DYNC1H1: variants seen among roughly 807,000 people sequenced by gnomAD.
DYNC1H1 encodes the protein cytoplasmic dynein 1 heavy chain 1.
A neutral mutation model predicts 527.1 loss-of-function variants in DYNC1H1; 51 were observed. The observed-to-expected ratio is 0.10, with a 90% CI of 0.08 to 0.12. The LOEUF (loss-of-function observed/expected upper bound fraction) is 0.12, where lower values mean the gene tolerates loss of function less well. Ranked by LOEUF, DYNC1H1 falls within the 10% of genes least tolerant of loss-of-function variation. The pLI, the probability that DYNC1H1 is intolerant of heterozygous loss-of-function variation, is 1.00. For synonymous variants in DYNC1H1, 2,189 were observed against 2,278.8 expected (o/e 0.96, Z 1.12); for missense variants, 2,771 against 5,971.8 (o/e 0.46, Z 17.66).
At chr14:102,030,405 A>G (rs1262551071) in intron 51 of DYNC1H1, 123 bp downstream of exon 51, 22 of 1,447,802 alleles carry the variant, frequency 1.5e-5, no homozygotes, top group Non-Finnish European at 1.9e-5. Flanking sequence ...TTCCAAAAAT[A>G]TCATTAGTAA....
chr14:101,966,238 CTTGG>C (rs2047666625), intron 1 of DYNC1H1, among the ~76,000 whole-genome samples: 1 of 152,144 alleles, frequency 6.6e-6, no homozygotes, highest in Non-Finnish European at 1.5e-5. Flanking sequence ...TCCCTGTAGC[CTTGG>C]TTTCCTGCCA....
At chr14:101,970,474 T>TG (rs2047722613) in intron 1 of DYNC1H1, among the ~76,000 whole-genome samples, 1 of 89,646 alleles carries the variant, frequency 1.1e-5, no homozygotes, top group African/African-American at 5.0e-5. Context: ...TTTGTTGTTG[T>TG]TTTTTTTTTT....
At position 102,051,876 on chromosome 14, in the gene DYNC1H1, A is replaced by T. The variant is rs2048816538; in HGVS notation, c.*1313A>T. On this transcript the variant is annotated 3_prime_UTR_variant, in exon 78 of 78. Transcript: ENST00000360184. ...GCTAATTACTATATTTTTAGTAGAG[A>T]CAGGGCTTCACCGTGTTGGCCAGGC... is the stretch of plus-strand genomic sequence containing the variant. 6.6e-6 allele frequency: 1 copy of T among 152,016 alleles called. No individual in the cohort carries two copies. The allele number at this position is 152,016 out of a possible 1,614,324, so 9.4% of individuals were successfully genotyped here. A position where few individuals can be genotyped will look rare whatever the true frequency, so the allele number is the denominator to read the frequency against.
rs141953838 is a variant in DYNC1H1, at chr14:102,017,644, G to A, written c.8177+140G>A. 105 of 1,449,246 alleles carry A rather than the reference G, an allele frequency of 7.2e-5. No homozygotes were observed. The highest frequency in any genetic ancestry group is 9.4e-5 in the Non-Finnish European group (98 of 1,046,558). The allele number at this position is 1,449,246 out of a possible 1,614,324, so 89.8% of individuals were successfully genotyped here. A position where few individuals can be genotyped will look rare whatever the true frequency, so the allele number is the denominator to read the frequency against. On this transcript the variant is annotated intron_variant, in intron 40 of 77. Coordinates refer to ENST00000360184, the MANE Select transcript of DYNC1H1 (RefSeq NM_001376.5). This position sits in a 1 kb window ranked among gnomAD's most constrained non-coding sequence, Gnocchi z 4.6. ...TGGATTCCTCTTGGGTTACTTCTCT[G>A]TGCTGTAATGCCAGGAAAACATGTT...
chr14:102,002,499 G>C lies in DYNC1H1; in HGVS notation c.4543-38G>C. ...GTTTTGGCATATCTGTGAGTAGAAG[G>C]GTCAGCAGTTTACCTCTCCCTCCTG... On this transcript the variant is annotated intron_variant, in intron 21 of 77. Transcript: ENST00000360184. This position sits in a 1 kb window ranked among gnomAD's most constrained non-coding sequence, Gnocchi z 4.4. 6.2e-7 allele frequency: 1 copy of C among 1,613,136 alleles called. No individual in the cohort carries two copies. The highest frequency in any genetic ancestry group is 8.5e-7 in the Non-Finnish European group (1 of 1,179,592).
Position 102,002,414 on chromosome 14 carries a change from T to C in DYNC1H1, c.4543-123T>C. On this transcript the variant is annotated intron_variant, in intron 21 of 77. Transcript: ENST00000360184. This position sits in a 1 kb window ranked among gnomAD's most constrained non-coding sequence, Gnocchi z 4.4. ...GCGTGAGCCACCACACCCGTCTACT[T>C]GTTGTTTAAAATGTGAATCAGATTA... The C allele has an allele frequency of 7.5e-7, 1 of 1,341,136 alleles. No homozygotes were observed. Among genetic ancestry groups the C allele is most frequent in the Non-Finnish European group, 1.1e-6 (1 of 943,070 alleles). 83.1% of individuals were successfully genotyped at this position (1,341,136 alleles called of 1,614,324 possible).
In DYNC1H1 at chr14:102,015,367, G is replaced by A; in HGVS notation, c.7242+35G>A. The stretch of plus-strand genomic sequence containing the variant: ...GGTGGGACCCCACATATCATGACCT[G>A]AGGGTGCTAGGATATTCAGATGTGG... On this transcript the variant is annotated intron_variant, in intron 35 of 77. Coordinates refer to ENST00000360184, the MANE Select transcript of DYNC1H1 (RefSeq NM_001376.5). The surrounding 1 kb of genome is among the most constrained non-coding windows in gnomAD (Gnocchi z 6.9). 4 of 1,575,078 alleles carry A rather than the reference G, an allele frequency of 2.5e-6. No homozygotes were observed. The highest frequency in any genetic ancestry group is 3.5e-6 in the Non-Finnish European group (4 of 1,158,788).
At position 102,016,724 on chromosome 14, in the gene DYNC1H1, C is replaced by T. The variant is rs930371329; in HGVS notation, c.7615-42C>T. 1.2e-6 allele frequency: 2 copies of T among 1,601,710 alleles called. No individual in the cohort carries two copies. Among genetic ancestry groups the T allele is most frequent in the Non-Finnish European group, 1.7e-6 (2 of 1,174,052 alleles). ...GGTAAACAAACCTCGTGAGGAGGCA[C>T]CTTGGTTGCAGCCGGACTCACACTT... is the stretch of plus-strand genomic sequence containing the variant. On this transcript the variant is annotated intron_variant, in intron 37 of 77. Transcript: ENST00000360184. The surrounding 1 kb of genome is among the most constrained non-coding windows in gnomAD (Gnocchi z 7.3).
Position 102,049,202 on chromosome 14 carries a change from G to A in DYNC1H1, c.13373-238G>A, listed in dbSNP as rs1406131017. On this transcript the variant is annotated intron_variant, in intron 74 of 77. Transcript: ENST00000360184. This position sits in a 1 kb window ranked among gnomAD's most constrained non-coding sequence, Gnocchi z 5.5. ...ATGGTCCTCCAGAAAGACACACCTGGACTAATTTGACCCTAGAAACTGCAC... is the reference window on the plus strand; with the variant it reads ...ATGGTCCTCCAGAAAGACACACCTGAACTAATTTGACCCTAGAAACTGCAC... The A allele has an allele frequency of 5.1e-6, 3 of 591,694 alleles. No homozygotes were observed. The highest frequency in any genetic ancestry group is 9.0e-6 in the Non-Finnish European group (3 of 332,818). The allele number at this position is 591,694 out of a possible 1,614,324, so 36.7% of individuals were successfully genotyped here. A position where few individuals can be genotyped will look rare whatever the true frequency, so the allele number is the denominator to read the frequency against.
At chr14:102,040,030 G>A (rs1044382879) in intron 62 of DYNC1H1, among the ~76,000 whole-genome samples, 8 of 152,134 alleles carry the variant, frequency 5.3e-5, no homozygotes, top group Non-Finnish European at 1.0e-4. Flanking sequence ...TAGTAGAGAC[G>A]GGTTTTCTTC....
At position 102,029,410 on chromosome 14, in the gene DYNC1H1, G is replaced by A. The variant is rs187483671; in HGVS notation, c.9469-129G>A. Reference sequence around the variant, plus strand: ...AAGTGGCTAAGCTGAGGCCCGACTCGAGTGTTCTGGCCCCGAGGGCCAGGC... The same window carrying A: ...AAGTGGCTAAGCTGAGGCCCGACTCAAGTGTTCTGGCCCCGAGGGCCAGGC... On this transcript the variant is annotated intron_variant, in intron 48 of 77. Coordinates refer to ENST00000360184, the MANE Select transcript of DYNC1H1 (RefSeq NM_001376.5). This position sits in a 1 kb window ranked among gnomAD's most constrained non-coding sequence, Gnocchi z 5.3. 306 of 1,236,364 alleles carry A rather than the reference G, an allele frequency of 2.5e-4. 1 individual carries two copies. Among genetic ancestry groups the A allele is most frequent in the Admixed American group, 6.2e-4 (31 of 50,220 alleles). The allele number at this position is 1,236,364 out of a possible 1,614,324, so 76.6% of individuals were successfully genotyped here.
intron 11 of DYNC1H1, among the ~76,000 whole-genome samples, chr14:101,992,847 A>G (rs1368740673): frequency 6.6e-6 from 1 of 151,700 alleles, no homozygotes; most frequent in African/African-American, 2.4e-5. Context: ...CTCCCACCTC[A>G]GTGGCTGGTC....
In DYNC1H1 at chr14:102,010,120, C is replaced by A. The variant is rs534583571; in HGVS notation, c.6221+34C>A. 6.2e-7 allele frequency: 1 copy of A among 1,613,310 alleles called. No homozygotes were observed. The highest frequency in any genetic ancestry group is 1.3e-5 in the African/African-American group (1 of 75,036). On this transcript the variant is annotated intron_variant, in intron 30 of 77. Transcript: ENST00000360184. The surrounding 1 kb of genome is among the most constrained non-coding windows in gnomAD (Gnocchi z 6.0). ...CCTAGAATTCTTCATAATCATGTTT[C>A]TTGCATATGTTAAATGTGTCCATTT...
At chr14:101,970,477 T>G (rs1403126776) in intron 1 of DYNC1H1, among the ~76,000 whole-genome samples, 1 of 116,866 alleles carries the variant, frequency 8.6e-6, no homozygotes, top group African/African-American at 3.7e-5. Context: ...GTTGTTGTTT[T>G]TTTTTTTTTT....
rs780156927 is a variant in DYNC1H1 at position 101,986,616 on chromosome 14, G to A, written c.2391G>A (p.Glu797=). ...TYERTCEKVE[E]RNTISLLVAG... ...AACGGACCTGCGAGAAGGTGGAGGA[G>A]CGGAACACCATTTCCCTTTTGGTGG... Residue 797 remains glutamate, a synonymous_variant, in exon 8 of 78, where the codon GAG becomes GAA. Transcript: ENST00000360184. The surrounding 1 kb of genome is among the most constrained non-coding windows in gnomAD (Gnocchi z 8.7). The A allele has an allele frequency of 3.1e-6, 5 of 1,613,154 alleles. No individual in the cohort carries two copies. The highest frequency in any genetic ancestry group is 1.7e-4 in the Middle Eastern group (1 of 6,060).
chr14:102,039,092 C>G lies in DYNC1H1; in HGVS notation c.11298C>G (p.Ile3766Met). ...GGCGCATTTTGGATGACGACACGAT[C>G]ATAACCACTCTGGAGAACCTGAAGA... ...VKGRILDDDTIITTLENLKRE... is the reference protein window; with the variant it reads ...VKGRILDDDTMITTLENLKRE... Residue 3766 changes from isoleucine (I) to methionine (M), a missense_variant, in exon 60 of 78, where the codon ATC becomes ATG. Coordinates refer to ENST00000360184, the MANE Select transcript of DYNC1H1 (RefSeq NM_001376.5). The surrounding 1 kb of genome is among the most constrained non-coding windows in gnomAD (Gnocchi z 7.0). The G allele has an allele frequency of 6.2e-7, 1 of 1,614,248 alleles. No individual in the cohort carries two copies. The highest frequency in any genetic ancestry group is 8.5e-7 in the Non-Finnish European group (1 of 1,180,044).
chr14:102,048,432 G>A (rs2048757430), intron 73 of DYNC1H1, 84 bp from the exon 74 acceptor site: 15 of 1,579,648 alleles, frequency 9.5e-6, no homozygotes, highest in Non-Finnish European at 1.2e-5. Flanking sequence ...GGCTCTCCCC[G>A]GAGGCCGAGT....
chr14:101,989,286 C>G (rs1163188851), intron 10 of DYNC1H1, among the ~76,000 whole-genome samples: 1 of 152,222 alleles, frequency 6.6e-6, no homozygotes, highest in Admixed American at 6.5e-5. Context: ...ATGTAATCCA[C>G]CAGAAGTCAG....
At chr14:102,028,288 G>T (rs2048472911) in intron 48 of DYNC1H1, 147 bp downstream of exon 48, 13 of 933,298 alleles carry the variant, frequency 1.4e-5, no homozygotes, top group Non-Finnish European at 2.0e-5. Context: ...AAGGCGGGAG[G>T]ATCACTTGAA....
Sources: gnomAD v4.1 joint callset for allele counts (sites outside exome capture counted in the v4.1 genomes callset) on GRCh38, gnomAD v4.1.1 for gene constraint, Gnocchi (gnomAD v3.1) non-coding constraint, MANE v1.5 for transcripts, NCBI Gene and HGNC (gene_info 2026-07-23, HGNC 2026-07-21) for gene names.